Variants in TSPAN5 observed in about 807,000 individuals in gnomAD.
TSPAN5 encodes tetraspanin-5.
In TSPAN5, 10 loss-of-function variants were observed where a neutral mutation model predicts 37.1. That is an observed-to-expected ratio of 0.27 (90% confidence interval 0.17 to 0.46). The LOEUF (loss-of-function observed/expected upper bound fraction) is 0.46, where lower values mean the gene tolerates loss of function less well. TSPAN5 is among the 20% of genes least tolerant of loss of function. The pLI, the probability that TSPAN5 is intolerant of heterozygous loss-of-function variation, is 1.00. For missense variants in TSPAN5, 195 were observed against 326.6 expected (o/e 0.60, Z 3.11); for synonymous variants, 110 against 118.9 (o/e 0.93, Z 0.48).
chr4:98,627,583 T>C (rs1379133383), intron 1 of TSPAN5, among the ~76,000 whole-genome samples: 2 of 152,240 alleles, frequency 1.3e-5, no homozygotes, highest in Non-Finnish European at 2.9e-5. Context: ...TGGGCCTGTA[T>C]CATCTTGGCT....
rs76370673 is a variant in TSPAN5, at chr4:98,518,053, T to C, written c.82-10325A>G. On this transcript the variant is annotated intron_variant, in intron 1 of 7. Coordinates refer to ENST00000305798, the MANE Select transcript of TSPAN5 (RefSeq NM_005723.4). ...TCTAATGGTAGCTTCGAAAGTTTAA[T>C]ACTGTCAGATGCACACTGTTTTTAT... Among the ~76,000 whole-genome samples the C allele has an allele frequency of 1.3e-3, 197 of 152,174 alleles. 1 individual carries two copies. The East Asian group carries it at 0.036, about 28-fold the overall frequency.
At chr4:98,628,288 T>C (rs1304011222) in intron 1 of TSPAN5, among the ~76,000 whole-genome samples, 1 of 151,846 alleles carries the variant, frequency 6.6e-6, no homozygotes, top group African/African-American at 2.4e-5. Flanking sequence ...GAAAAAAAAA[T>C]TAACTTACAT....
In TSPAN5 at chr4:98,542,833, CT is replaced by C. The variant is rs374936932; in HGVS notation, c.82-35106del. 9.4e-4 allele frequency among the ~76,000 whole-genome samples: 143 copies of C among 152,012 alleles called. 2 individuals carry two copies. The highest frequency in any genetic ancestry group is 3.3e-3 in the African/African-American group (135 of 41,468). Reference sequence around the variant, plus strand: ...AACACTGGAAAAATTCTGGAAAAACCTCCCGACTTAGATTACTTTGCAAGTA... The same window carrying C: ...AACACTGGAAAAATTCTGGAAAAACCCCCGACTTAGATTACTTTGCAAGTA... On this transcript the variant is annotated intron_variant, in intron 1 of 7. Coordinates refer to ENST00000305798, the MANE Select transcript of TSPAN5 (RefSeq NM_005723.4).
intron 1 of TSPAN5, among the ~76,000 whole-genome samples, chr4:98,555,137 G>A (rs544824249): frequency 7.9e-5 from 12 of 152,232 alleles, no homozygotes; most frequent in African/African-American, 2.9e-4. Flanking sequence ...GTCCAACTTC[G>A]TGATCTGGGT....
intron 1 of TSPAN5, among the ~76,000 whole-genome samples, chr4:98,518,110 T>C (rs1289426722): frequency 6.6e-6 from 1 of 151,872 alleles, no homozygotes; most frequent in African/African-American, 2.4e-5. Flanking sequence ...TTTTTTTTTT[T>C]TTAACTTTTC....
chr4:98,488,509 G>A lies in TSPAN5; in HGVS notation c.133-1625C>T, dbSNP rs940580879. ...AATGTCACAGACAAATGGTTGAAAG[G>A]CTATTAAAGCAGTTAGGATTGAGGT... is the stretch of plus-strand genomic sequence containing the variant. On this transcript the variant is annotated intron_variant, in intron 2 of 7. Transcript: ENST00000305798. Among the ~76,000 whole-genome samples the A allele has an allele frequency of 2.0e-5, 3 of 152,222 alleles. No individual in the cohort carries two copies. In the East Asian group the frequency reaches 5.8e-4, roughly 29 times the overall value.
chr4:98,614,589 T>C (rs1390982427), intron 1 of TSPAN5, among the ~76,000 whole-genome samples: 2 of 152,058 alleles, frequency 1.3e-5, no homozygotes, highest in African/African-American at 4.8e-5. Context: ...CCCAATAACA[T>C]TAAAAATAAG....
intron 1 of TSPAN5, among the ~76,000 whole-genome samples, chr4:98,511,366 T>C (rs1267069992): frequency 6.6e-6 from 1 of 152,196 alleles, no homozygotes; most frequent in African/African-American, 2.4e-5. Context: ...TGGTACAGCC[T>C]ATGACGCACC....
chr4:98,610,107 G>A (rs1306248160), intron 1 of TSPAN5, among the ~76,000 whole-genome samples: 1 of 152,194 alleles, frequency 6.6e-6, no homozygotes, highest in South Asian at 2.1e-4. Flanking sequence ...CACAGACTGG[G>A]TAATTTGTAA....
intron 1 of TSPAN5, among the ~76,000 whole-genome samples, chr4:98,653,911 ACCCT>A (rs1413875658): frequency 6.6e-6 from 1 of 152,142 alleles, no homozygotes; most frequent in African/African-American, 2.4e-5. Flanking sequence ...CTAATTCTTC[ACCCT>A]TTGAAATTCA....
intron 1 of TSPAN5, among the ~76,000 whole-genome samples, chr4:98,528,121 T>G (rs1406970262): frequency 2.6e-5 from 4 of 152,168 alleles, no homozygotes; most frequent in Non-Finnish European, 4.4e-5. Context: ...TAGAGAAATG[T>G]ACACTAAATA....
At chr4:98,613,644 A>C (rs1056971496) in intron 1 of TSPAN5, among the ~76,000 whole-genome samples, 6 of 152,096 alleles carry the variant, frequency 3.9e-5, no homozygotes, top group African/African-American at 1.4e-4. Context: ...TCCCCATAAA[A>C]TTCTCTAGTC....
At chr4:98,641,715 G>C (rs971546817) in intron 1 of TSPAN5, among the ~76,000 whole-genome samples, 1 of 152,134 alleles carries the variant, frequency 6.6e-6, no homozygotes, top group Non-Finnish European at 1.5e-5. Context: ...TAAACGGTAA[G>C]CAGATGCCTT....
chr4:98,473,491 C>T (rs1156404565), intron 7 of TSPAN5, among the ~76,000 whole-genome samples: 43 of 141,868 alleles, frequency 3.0e-4, no homozygotes, highest in African/African-American at 9.8e-4. Flanking sequence ...CTCGCTCTGT[C>T]GCCCAGGCCG....
At chr4:98,514,250 T>G (rs1016560671) in intron 1 of TSPAN5, among the ~76,000 whole-genome samples, 12 of 152,304 alleles carry the variant, frequency 7.9e-5, no homozygotes, top group Admixed American at 2.0e-4. Context: ...ATTAGGAAAG[T>G]TGTATTTTCC....
chr4:98,644,204 T>C (rs1579051999), intron 1 of TSPAN5, among the ~76,000 whole-genome samples: 2 of 152,140 alleles, frequency 1.3e-5, no homozygotes, highest in East Asian at 3.8e-4. Context: ...TTAAATGTTG[T>C]CCTAAGGGGG....
intron 1 of TSPAN5, among the ~76,000 whole-genome samples, chr4:98,512,222 G>GA (rs138647609): frequency 0.013 from 1,973 of 146,480 alleles, 24 homozygotes; most frequent in African/African-American, 0.031. Context: ...AAACAAAAAA[G>GA]AAAAAAAAAA....
chr4:98,655,812 C>A (rs1188714707), intron 1 of TSPAN5, among the ~76,000 whole-genome samples: 1 of 152,106 alleles, frequency 6.6e-6, no homozygotes, highest in African/African-American at 2.4e-5. Flanking sequence ...CATATGGTTG[C>A]CTTTCTGTTG....
rs370949957 is a variant in TSPAN5, at chr4:98,621,488, C to A, written c.81+36658G>T. Among the ~76,000 whole-genome samples, 14 of 151,882 alleles carry A rather than the reference C, an allele frequency of 9.2e-5. No individual in the cohort carries two copies. The South Asian group carries it at 2.7e-3, about 29-fold the overall frequency. On this transcript the variant is annotated intron_variant, in intron 1 of 7. Coordinates refer to ENST00000305798, the MANE Select transcript of TSPAN5 (RefSeq NM_005723.4). ...GTTCATACCATCCTCCTGCCTCAGC[C>A]TCCCGAGTAGCTGGGACTACAGGCA...
Sources: allele counts gnomAD v4.1 joint callset (sites outside exome capture counted in the v4.1 genomes callset), GRCh38; gene constraint gnomAD v4.1.1; transcripts MANE v1.5; gene names NCBI Gene and HGNC (gene_info 2026-07-23, HGNC 2026-07-21).